Variants in GRIN2B observed in about 807,000 individuals in gnomAD.
The protein encoded by GRIN2B is glutamate ionotropic receptor NMDA type subunit 2B.
A neutral mutation model predicts 114.5 loss-of-function variants in GRIN2B; 5 were observed. That is an observed-to-expected ratio of 0.04 (90% CI 0.02 to 0.09). The LOEUF (loss-of-function observed/expected upper bound fraction) is 0.09. GRIN2B is among the 10% of genes least tolerant of loss of function. The pLI is 1.00. For synonymous variants in GRIN2B, 787 were observed against 745.1 expected (o/e 1.06, Z -0.92); for missense variants, 1,108 against 1,943.5 (o/e 0.57, Z 8.08).
chr12:13,599,730 T>G (rs545491906), intron 10 of GRIN2B, among the ~76,000 whole-genome samples: 3 of 152,206 alleles, frequency 2.0e-5, no homozygotes, highest in Admixed American at 6.5e-5. Flanking sequence ...CTAAATAGAA[T>G]AGCTCTCTTA....
rs553219666 is a variant in GRIN2B at position 13,615,322 on chromosome 12, C to T, written c.1501-55G>A. The T allele has an allele frequency of 6.3e-7, 1 of 1,574,876 alleles. No homozygotes were observed. The highest frequency in any genetic ancestry group is 8.7e-7 in the Non-Finnish European group (1 of 1,144,556). ...AACATTCAGGAGGGCAAGGGACCAC[C>T]ACAAGGAAAATACAGCCTATCAGTG... is the stretch of plus-strand genomic sequence containing the variant. On this transcript the variant is annotated intron_variant, in intron 7 of 13. Transcript: ENST00000609686. This position sits in a 1 kb window ranked among gnomAD's most constrained non-coding sequence, Gnocchi z 5.8.
chr12:13,712,171 T>C (rs933396018), intron 4 of GRIN2B, among the ~76,000 whole-genome samples: 4 of 146,798 alleles, frequency 2.7e-5, no homozygotes, highest in Non-Finnish European at 5.9e-5. Context: ...TAGGTGGGAA[T>C]TGAACAATGA....
At chr12:13,850,367 A>G (rs1419078257) in intron 3 of GRIN2B, among the ~76,000 whole-genome samples, 1 of 152,170 alleles carries the variant, frequency 6.6e-6, no homozygotes, top group African/African-American at 2.4e-5. Context: ...GAAGAGTTTC[A>G]GCTGATCCAG....
intron 3 of GRIN2B, among the ~76,000 whole-genome samples, chr12:13,815,425 A>G (rs989798056): frequency 6.6e-6 from 1 of 152,188 alleles, no homozygotes; most frequent in South Asian, 2.1e-4. Flanking sequence ...CAACAAAACA[A>G]TCACAGAGTA....
intron 3 of GRIN2B, among the ~76,000 whole-genome samples, chr12:13,759,300 C>T (rs944882117): frequency 1.3e-5 from 2 of 152,080 alleles, no homozygotes; most frequent in Non-Finnish European, 2.9e-5. Flanking sequence ...TGAGCCACCA[C>T]GCCCAGCTAG....
chr12:13,591,488 C>G (rs1013297755), intron 10 of GRIN2B, among the ~76,000 whole-genome samples: 1 of 152,216 alleles, frequency 6.6e-6, no homozygotes, highest in Non-Finnish European at 1.5e-5. Flanking sequence ...CCATTCTACA[C>G]ATTAGGAAAC....
intron 3 of GRIN2B, among the ~76,000 whole-genome samples, chr12:13,767,803 A>G (rs1406976571): frequency 1.3e-5 from 2 of 152,192 alleles, no homozygotes; most frequent in East Asian, 1.9e-4. Context: ...TGCACAGGTT[A>G]TCAAAATTTT....
intron 5 of GRIN2B, among the ~76,000 whole-genome samples, chr12:13,640,685 C>T (rs1378842869): frequency 6.6e-6 from 1 of 152,152 alleles, no homozygotes; most frequent in Non-Finnish European, 1.5e-5. Context: ...AATAACAACA[C>T]TATTAAATAC....
chr12:13,866,158 G>A lies in GRIN2B; in HGVS notation c.51C>T (p.Ala17=), dbSNP rs145404836. The A allele has an allele frequency of 2.5e-5, 40 of 1,612,714 alleles. No individual in the cohort carries two copies. The highest frequency in any genetic ancestry group is 2.9e-5 in the Non-Finnish European group (34 of 1,179,944). The change falls in exon 3 of 14, where the codon GCC becomes GCT. Residue 17 remains alanine, a synonymous_variant. Coordinates refer to ENST00000609686, the MANE Select transcript of GRIN2B (RefSeq NM_000834.5). ...CCSPKFWLVL[A]VLAVSGSRAR... is the part of the protein sequence containing the mutation. ...CTCTGCTGCCTGACACGGCCAGGAC[G>A]GCCAACACCAACCAGAACTTGGGAG...
intron 2 of GRIN2B, among the ~76,000 whole-genome samples, chr12:13,925,160 T>C (rs999357556): frequency 5.3e-5 from 8 of 152,222 alleles, no homozygotes; most frequent in Non-Finnish European, 1.0e-4. Flanking sequence ...CCTTTGACTA[T>C]GGCACTGACC....
chr12:13,736,601 T>TA (rs980215513), intron 4 of GRIN2B, among the ~76,000 whole-genome samples: 20 of 150,782 alleles, frequency 1.3e-4, no homozygotes, highest in Non-Finnish European at 1.9e-4. Context: ...TACTTTCAAA[T>TA]AAAAAAAAAG....
intron 2 of GRIN2B, among the ~76,000 whole-genome samples, chr12:13,881,964 C>T (rs1471231563): frequency 6.6e-6 from 1 of 152,008 alleles, no homozygotes; most frequent in Non-Finnish European, 1.5e-5. Context: ...ACCTCTGCAC[C>T]TCATTAATCA....
At chr12:13,842,152 A>G (rs1391268103) in intron 3 of GRIN2B, among the ~76,000 whole-genome samples, 2 of 152,162 alleles carry the variant, frequency 1.3e-5, no homozygotes, top group Non-Finnish European at 2.9e-5. Context: ...GGAGCTTCGT[A>G]TAACCATATC....
intron 4 of GRIN2B, among the ~76,000 whole-genome samples, chr12:13,677,879 C>G (rs530737665): frequency 6.6e-6 from 1 of 152,164 alleles, no homozygotes; most frequent in East Asian, 1.9e-4. Flanking sequence ...ATCAATTTTA[C>G]TCTTTAAAGA....
At chr12:13,945,955 AAATGGAAGAACAAGCCTCAT>A (rs1867355822) in intron 2 of GRIN2B, among the ~76,000 whole-genome samples, 1 of 152,208 alleles carries the variant, frequency 6.6e-6, no homozygotes, top group African/African-American at 2.4e-5. Context: ...CAATGCAAGA[AAATGGAAGAACAAGCCTCAT>A]TTGGGAACAG....
chr12:13,782,489 A>G (rs1015850684), intron 3 of GRIN2B, among the ~76,000 whole-genome samples: 2 of 152,166 alleles, frequency 1.3e-5, no homozygotes, highest in African/African-American at 4.8e-5. Context: ...TCAAGGGACA[A>G]ATTTCCCAGA....
At chr12:13,780,762 T>C (rs1387604488) in intron 3 of GRIN2B, among the ~76,000 whole-genome samples, 2 of 149,354 alleles carry the variant, frequency 1.3e-5, no homozygotes, top group East Asian at 2.0e-4. Flanking sequence ...CTAGATAGTA[T>C]GACATTACTT....
chr12:13,812,467 T>TC (rs1565547003), intron 3 of GRIN2B, among the ~76,000 whole-genome samples: 2 of 152,126 alleles, frequency 1.3e-5, no homozygotes, highest in Non-Finnish European at 2.9e-5. Context: ...TATTTATCTT[T>TC]TTTTTTCATT....
At chr12:13,851,691 T>G (rs1865568751) in intron 3 of GRIN2B, among the ~76,000 whole-genome samples, 1 of 152,222 alleles carries the variant, frequency 6.6e-6, no homozygotes, top group East Asian at 1.9e-4. Flanking sequence ...CTCCTTTCTC[T>G]CTTTCTTGCT....
Sources: gnomAD v4.1 joint callset for allele counts (sites outside exome capture counted in the v4.1 genomes callset) on GRCh38, gnomAD v4.1.1 for gene constraint, Gnocchi (gnomAD v3.1) non-coding constraint, MANE v1.5 for transcripts, NCBI Gene and HGNC (gene_info 2026-07-23, HGNC 2026-07-21) for gene names.